Variants in NRXN1 observed in about 807,000 individuals in gnomAD.
NRXN1 encodes neurexin 1, also known as neurexin-1.
NRXN1 carries 39 observed loss-of-function variants against 150.9 expected under a neutral mutation model. The ratio of observed to expected loss-of-function variants is 0.26; its 90% CI spans 0.20 to 0.34. The LOEUF is 0.34. Ranked by LOEUF, NRXN1 falls within the 10% of genes least tolerant of loss-of-function variation. NRXN1 has a pLI of 1.00. For missense variants in NRXN1, 1,815 were observed against 1,949.9 expected (o/e 0.93, Z 1.30); for synonymous variants, 924 against 757.0 (o/e 1.22, Z -3.62).
intron 5 of NRXN1, among the ~76,000 whole-genome samples, chr2:50,623,861 G>T (rs939971184): frequency 5.3e-5 from 8 of 152,064 alleles, no homozygotes; most frequent in African/African-American, 1.9e-4. Context: ...ATGTATACAT[G>T]TGCCATGTTG....
At chr2:50,813,996 T>A (rs1272166843) in intron 5 of NRXN1, among the ~76,000 whole-genome samples, 1 of 152,206 alleles carries the variant, frequency 6.6e-6, no homozygotes, top group South Asian at 2.1e-4. Context: ...AAATGAAGAC[T>A]GCTTATTCTT....
intron 17 of NRXN1, among the ~76,000 whole-genome samples, chr2:50,435,805 G>A (rs114186333): frequency 0.041 from 6,188 of 152,186 alleles, 153 homozygotes; most frequent in South Asian, 0.047. Context: ...CCTTCTTGAG[G>A]GTGGAGGGAA....
At chr2:50,149,599 T>C (rs1467139459) in intron 18 of NRXN1, among the ~76,000 whole-genome samples, 3 of 151,744 alleles carry the variant, frequency 2.0e-5, no homozygotes, top group Non-Finnish European at 4.4e-5. Context: ...ATATACCTCT[T>C]TGATAAAACT....
intron 2 of NRXN1, among the ~76,000 whole-genome samples, chr2:50,982,053 T>C (rs1488938061): frequency 6.6e-6 from 1 of 152,114 alleles, no homozygotes; most frequent in Non-Finnish European, 1.5e-5. Context: ...TCATTCATCT[T>C]AATAGTTTAT....
chr2:50,197,674 G>T (rs2061865356), intron 18 of NRXN1, among the ~76,000 whole-genome samples: 1 of 151,970 alleles, frequency 6.6e-6, no homozygotes, highest in African/African-American at 2.4e-5. Context: ...TCTTCTGTAA[G>T]TATTTTTTCC....
At chr2:50,460,623 GTAGCAGA>G (rs1485925282) in intron 17 of NRXN1, among the ~76,000 whole-genome samples, 1 of 151,978 alleles carries the variant, frequency 6.6e-6, no homozygotes, top group African/African-American at 2.4e-5. Flanking sequence ...ACGTAAAATA[GTAGCAGA>G]TAGCACTTCT....
intron 2 of NRXN1, among the ~76,000 whole-genome samples, chr2:50,956,695 C>T (rs1260921805): frequency 6.6e-6 from 1 of 151,064 alleles, no homozygotes; most frequent in East Asian, 1.9e-4. Context: ...TTGCAGTGGG[C>T]GACAGAGTGA....
At chr2:50,499,675 C>T (rs72880013) in intron 13 of NRXN1, among the ~76,000 whole-genome samples, 2,209 of 152,118 alleles carry the variant, frequency 0.015, 52 homozygotes, top group African/African-American at 0.05. Context: ...CGTCTAGATG[C>T]GGTGGCTCAC....
chr2:50,610,356 A>T (rs1469157), intron 8 of NRXN1, among the ~76,000 whole-genome samples: 5 of 151,436 alleles, frequency 3.3e-5, no homozygotes, highest in East Asian at 3.9e-4. Context: ...TAATTCACTG[A>T]GCTTCAGTCC....
chr2:50,565,821 C>T (rs1026632498), intron 8 of NRXN1, among the ~76,000 whole-genome samples: 3 of 152,116 alleles, frequency 2.0e-5, no homozygotes, highest in Non-Finnish European at 2.9e-5. Context: ...CAACTCCTCC[C>T]GTCAATACTC....
intron 9 of NRXN1, among the ~76,000 whole-genome samples, chr2:50,539,207 T>G (rs1386582645): frequency 1.3e-5 from 2 of 152,318 alleles, no homozygotes; most frequent in Admixed American, 6.5e-5. Flanking sequence ...ATAATAATAT[T>G]ACCTACCTTA....
At chr2:50,161,489 G>C (rs2059362088) in intron 18 of NRXN1, among the ~76,000 whole-genome samples, 1 of 152,082 alleles carries the variant, frequency 6.6e-6, no homozygotes. Context: ...TATACTTCTT[G>C]GGTAAGGGGC....
intron 13 of NRXN1, among the ~76,000 whole-genome samples, chr2:50,503,066 G>T (rs1210264566): frequency 1.3e-5 from 2 of 152,130 alleles, no homozygotes; most frequent in Non-Finnish European, 2.9e-5. Context: ...CCGGTACTTT[G>T]GGAGGCCAAT....
At position 50,653,794 on chromosome 2, in the gene NRXN1, C is replaced by T. The variant is rs576308861; in HGVS notation, c.833-30179G>A. The stretch of plus-strand genomic sequence containing the variant: ...ACTTGCCTGTTCTCTTACTGTCTTA[C>T]GGACAGTGTAGGATTCACTAAGCTG... On this transcript the variant is annotated intron_variant, in intron 5 of 22. Transcript: ENST00000401669. 1.1e-3 allele frequency among the ~76,000 whole-genome samples: 160 copies of T among 152,026 alleles called. 1 individual carries two copies. Among genetic ancestry groups the T allele is most frequent in the Non-Finnish European group, 2.0e-3 (138 of 67,936 alleles).
chr2:50,617,205 G>A (rs1377622531), intron 8 of NRXN1, among the ~76,000 whole-genome samples: 3 of 152,050 alleles, frequency 2.0e-5, no homozygotes, highest in East Asian at 1.9e-4. Flanking sequence ...AGGCCAAGGC[G>A]GGCAGATCAC....
chr2:50,493,047 C>T (rs1327028693), intron 15 of NRXN1, among the ~76,000 whole-genome samples: 1 of 152,186 alleles, frequency 6.6e-6, no homozygotes, highest in East Asian at 1.9e-4. Context: ...AGTTGGCTGA[C>T]CTTCTTTTGA....
chr2:49,974,755 C>CCT (rs1678649031), intron 21 of NRXN1, among the ~76,000 whole-genome samples: 1 of 141,756 alleles, frequency 7.1e-6, no homozygotes. Context: ...CATTCTTAGG[C>CCT]TTTTTTTTTT....
rs1671127849 is a variant in NRXN1 at position 50,829,743 on chromosome 2, G to A, written c.832+92126C>T. ...CCCACGGTTGGCAGCGCCCAAGGTT[G>A]CACGGCATGGCCCGCTTAAGTGCCA... On this transcript the variant is annotated intron_variant, in intron 5 of 22. Transcript: ENST00000401669. 8.2e-6 allele frequency: 13 copies of A among 1,579,962 alleles called. No individual in the cohort carries two copies. In the East Asian group the frequency reaches 2.5e-4, roughly 31 times the overall value.
At chr2:50,690,730 C>T (rs548857985) in intron 5 of NRXN1, among the ~76,000 whole-genome samples, 41 of 152,198 alleles carry the variant, frequency 2.7e-4, no homozygotes, top group African/African-American at 9.6e-4. Context: ...GATCAAACTC[C>T]GGGATTCAAA....
Sources: allele counts gnomAD v4.1 joint callset (sites outside exome capture counted in the v4.1 genomes callset), GRCh38; gene constraint gnomAD v4.1.1; transcripts MANE v1.5; gene names NCBI Gene and HGNC (gene_info 2026-07-23, HGNC 2026-07-21).